The following MKKS variants were observed in gnomAD, a reference collection of about 807,000 sequenced individuals.
MKKS encodes molecular chaperone MKKS.
A neutral mutation model predicts 33.2 loss-of-function variants in MKKS; 29 were observed. That is an observed-to-expected ratio of 0.87 (90% CI 0.65 to 1.19). MKKS has a LOEUF of 1.19. Among genes scored for constraint, MKKS ranks in the 50% most tolerant of loss-of-function variants. MKKS has a pLI of 0.00. For synonymous variants in MKKS, 260 were observed against 244.0 expected (o/e 1.07, Z -0.61); for missense variants, 661 against 662.3 (o/e 1.00, Z 0.02).
At chr20:10,417,909 T>C (rs2064952039) in intron 2 of MKKS, among the ~76,000 whole-genome samples, 1 of 152,120 alleles carries the variant, frequency 6.6e-6, no homozygotes, top group Admixed American at 6.5e-5. Flanking sequence ...ACTGAGAATG[T>C]GGGAAATTTT....
intron 2 of MKKS, among the ~76,000 whole-genome samples, chr20:10,417,245 T>TAAA (rs60367709): frequency 1.5e-5 from 2 of 132,418 alleles, no homozygotes; most frequent in Admixed American, 1.5e-4. Flanking sequence ...GACTCCATCT[T>TAAA]AAAAAAAAAA....
chr20:10,410,075 T>C (rs962869019), intron 3 of MKKS, among the ~76,000 whole-genome samples: 52 of 151,872 alleles, frequency 3.4e-4, no homozygotes, highest in Non-Finnish European at 7.4e-5. Flanking sequence ...ATTTCACTTA[T>C]TTGAATATTG....
chr20:10,419,897 G>A (rs1230583170), intron 2 of MKKS, among the ~76,000 whole-genome samples: 4 of 152,180 alleles, frequency 2.6e-5, no homozygotes. Context: ...TTGACTGCAG[G>A]TAACTGAAAC....
At chr20:10,433,772 G>A (rs974355332) in intron 1 of MKKS, among the ~76,000 whole-genome samples, 5 of 152,134 alleles carry the variant, frequency 3.3e-5, no homozygotes, top group East Asian at 1.9e-4. Flanking sequence ...TCCCAGCGAG[G>A]GAGGGGACGG....
At chr20:10,410,954 A>G (rs905667364) in intron 3 of MKKS, among the ~76,000 whole-genome samples, 3 of 151,288 alleles carry the variant, frequency 2.0e-5, no homozygotes, top group Non-Finnish European at 4.4e-5. Context: ...GTGGAAACCC[A>G]GCCCCCAGTT....
chr20:10,432,817 C>T (rs2065063784), intron 1 of MKKS, among the ~76,000 whole-genome samples: 1 of 94,862 alleles, frequency 1.1e-5, no homozygotes, highest in African/African-American at 3.3e-5. Context: ...AAAAAAAAAT[C>T]GTGTAGTTTT....
At chr20:10,405,877 G>A (rs1387884241) in intron 5 of MKKS, among the ~76,000 whole-genome samples, 190 bp from the exon 6 acceptor site, 1 of 152,086 alleles carries the variant, frequency 6.6e-6, no homozygotes, top group African/African-American at 2.4e-5. Flanking sequence ...TAACTAGGTT[G>A]GTTATAGTAA....
chr20:10,426,599 A>G (rs1227380062), intron 1 of MKKS, among the ~76,000 whole-genome samples: 1 of 152,148 alleles, frequency 6.6e-6, no homozygotes, highest in African/African-American at 2.4e-5. Flanking sequence ...GGGTTTCACC[A>G]TGTTGCCCAG....
rs1187211433 is a variant in MKKS, at chr20:10,401,223, A to G, written c.*4024T>C. ...GTTTTCAGGGATTGCATTCTCTTTC[A>G]TGAATATTACTATATTCTTAGTAAA... On this transcript the variant is annotated 3_prime_UTR_variant, in exon 6 of 6. Transcript: ENST00000347364. The G allele has an allele frequency of 6.6e-6, 1 of 152,188 alleles. No homozygotes were observed. Among genetic ancestry groups the G allele is most frequent in the African/African-American group, 2.4e-5 (1 of 41,460 alleles). The allele number at this position is 152,188 out of a possible 1,614,324, so 9.4% of individuals were successfully genotyped here.
intron 3 of MKKS, among the ~76,000 whole-genome samples, chr20:10,409,137 G>A (rs1369309299): frequency 6.6e-6 from 1 of 152,110 alleles, no homozygotes; most frequent in Admixed American, 6.6e-5. Flanking sequence ...AGCCCATTCA[G>A]GGTTTAGAGA....
intron 3 of MKKS, among the ~76,000 whole-genome samples, chr20:10,410,133 C>G (rs2064872188): frequency 6.6e-6 from 1 of 151,634 alleles, no homozygotes; most frequent in Non-Finnish European, 1.5e-5. Context: ...AAAAAGTGAT[C>G]TAAGTAAAAA....
intron 2 of MKKS, among the ~76,000 whole-genome samples, chr20:10,416,980 A>G (rs1468172160): frequency 2.0e-5 from 3 of 148,100 alleles, no homozygotes; most frequent in Non-Finnish European, 4.4e-5. Context: ...TCTTTTATAG[A>G]AAAAAAGTTT....
At chr20:10,426,891 T>A (rs2065017667) in intron 1 of MKKS, among the ~76,000 whole-genome samples, 2 of 152,118 alleles carry the variant, frequency 1.3e-5, no homozygotes, top group Non-Finnish European at 2.9e-5. Context: ...GTTAGTTCAG[T>A]TTTCTTTAAT....
chr20:10,407,407 G>A (rs1224302082), intron 5 of MKKS, among the ~76,000 whole-genome samples: 1 of 152,058 alleles, frequency 6.6e-6, no homozygotes, highest in East Asian at 1.9e-4. Flanking sequence ...TCCCTCAAGT[G>A]TTTTTGATTA....
chr20:10,428,716 GT>G (rs1331806445), intron 1 of MKKS, among the ~76,000 whole-genome samples: 1 of 152,134 alleles, frequency 6.6e-6, no homozygotes, highest in Non-Finnish European at 1.5e-5. Flanking sequence ...GGGTGCACCT[GT>G]AATCCCAGTT....
intron 2 of MKKS, 67 bp from the exon 3 acceptor site, chr20:10,413,998 T>C: frequency 2.5e-6 from 1 of 395,528 alleles, no homozygotes; most frequent in Non-Finnish European, 4.4e-6. Context: ...TGCAGTTTAA[T>C]AATTTATTCT....
intron 1 of MKKS, among the ~76,000 whole-genome samples, chr20:10,428,835 C>A (rs1262780658): frequency 9.3e-6 from 1 of 107,960 alleles, no homozygotes; most frequent in African/African-American, 3.4e-5. Flanking sequence ...CAGAGCAAGA[C>A]TCCGTCTCAA....
At chr20:10,421,747 C>T (rs1298202785) in intron 1 of MKKS, among the ~76,000 whole-genome samples, 2 of 151,528 alleles carry the variant, frequency 1.3e-5, no homozygotes, top group African/African-American at 2.4e-5. Context: ...TAGACAGTTG[C>T]CTGGAGTTAC....
At position 10,405,291 on chromosome 20, in the gene MKKS, T is replaced by G. The variant is rs376552137; in HGVS notation, c.1669A>C (p.Asn557His). The change falls in exon 6 of 6, where the codon AAT becomes CAT. Residue 557 changes from asparagine to histidine, a missense_variant. Transcript: ENST00000347364. ...ACATATGAAAGATCCAAAATCAAAT[T>G]GGCTGTCTCTACAGCCACCTGTAGG... ...SGLQVAVETA[N>H]LILDLSYVIE... 11 of 1,613,450 alleles carry G rather than the reference T, an allele frequency of 6.8e-6. No homozygotes were observed. Among genetic ancestry groups the G allele is most frequent in the Non-Finnish European group, 9.3e-6 (11 of 1,179,714 alleles).
Sources: allele counts gnomAD v4.1 joint callset (sites outside exome capture counted in the v4.1 genomes callset), GRCh38; gene constraint gnomAD v4.1.1; transcripts MANE v1.5; gene names NCBI Gene and HGNC (gene_info 2026-07-23, HGNC 2026-07-21).